Variants in ATP10D observed in about 807,000 individuals in gnomAD.
ATP10D encodes ATPase phospholipid transporting 10D (putative).
ATP10D carries 89 observed loss-of-function variants against 144.8 expected under a neutral mutation model. The observed-to-expected ratio is 0.61, with a 90% CI of 0.52 to 0.73. ATP10D has a LOEUF of 0.73. ATP10D is among the 30% of genes least tolerant of loss of function. ATP10D has a pLI of 0.00. For synonymous variants in ATP10D, 571 were observed against 615.1 expected (o/e 0.93, Z 1.06); for missense variants, 1,603 against 1,714.8 (o/e 0.93, Z 1.15).
rs1035073955 is a variant in ATP10D at position 47,519,762 on chromosome 4, C to A, written c.486-3250C>A. The stretch of plus-strand genomic sequence containing the variant: ...AAGGCCCAGTGCCCTTCCTGTTTGC[C>A]CCCATAGTAGCCTGTAGACAGCTCC... On this transcript the variant is annotated intron_variant, in intron 3 of 22. Coordinates refer to ENST00000273859, the MANE Select transcript of ATP10D (RefSeq NM_020453.4). Among the ~76,000 whole-genome samples the A allele has an allele frequency of 2.0e-5, 3 of 152,268 alleles. No individual in the cohort carries two copies. The East Asian group carries it at 5.8e-4, about 29-fold the overall frequency.
chr4:47,517,360 G>A (rs534139887), intron 3 of ATP10D, among the ~76,000 whole-genome samples: 1 of 152,220 alleles, frequency 6.6e-6, no homozygotes, highest in South Asian at 2.1e-4. Context: ...AGGTTGCAGT[G>A]AGCCAACATT....
chr4:47,516,145 G>A (rs1000746814), intron 3 of ATP10D, among the ~76,000 whole-genome samples: 10 of 151,756 alleles, frequency 6.6e-5, no homozygotes, highest in South Asian at 4.2e-4. Context: ...CAGGAGAATC[G>A]CTTGAACCCA....
chr4:47,540,933 T>C (rs1370676772), intron 9 of ATP10D, among the ~76,000 whole-genome samples: 1 of 152,180 alleles, frequency 6.6e-6, no homozygotes, highest in African/African-American at 2.4e-5. Context: ...AGAGTATACA[T>C]TTATGATGCA....
At chr4:47,507,076 G>C (rs1287237254) in intron 1 of ATP10D, among the ~76,000 whole-genome samples, 1 of 152,134 alleles carries the variant, frequency 6.6e-6, no homozygotes, top group Non-Finnish European at 1.5e-5. Context: ...TGACCAGGTG[G>C]TGCAGTATGA....
chr4:47,493,073 C>T (rs1157563315), intron 1 of ATP10D, among the ~76,000 whole-genome samples: 1 of 152,170 alleles, frequency 6.6e-6, no homozygotes, highest in Non-Finnish European at 1.5e-5. Flanking sequence ...CTTTTTATCT[C>T]TTACCATTAA....
At chr4:47,486,359 GT>G (rs1186667632) in intron 1 of ATP10D, among the ~76,000 whole-genome samples, 4 of 152,182 alleles carry the variant, frequency 2.6e-5, no homozygotes, top group African/African-American at 7.2e-5. Flanking sequence ...TTCTTCTTGC[GT>G]TCTTTTCATG....
chr4:47,559,133 A>C, intron 13 of ATP10D, 104 bp downstream of exon 13: 1 of 787,346 alleles, frequency 1.3e-6, no homozygotes, highest in Non-Finnish European at 2.1e-6. Flanking sequence ...TGCTGGGGAA[A>C]GTCCCCTGGA....
intron 1 of ATP10D, among the ~76,000 whole-genome samples, chr4:47,508,295 A>C (rs1338977741): frequency 6.6e-6 from 1 of 152,218 alleles, no homozygotes; most frequent in Admixed American, 6.5e-5. Context: ...CTTCTCAGGC[A>C]TTAATAGGTA....
At chr4:47,499,933 A>T (rs1715596458) in intron 1 of ATP10D, among the ~76,000 whole-genome samples, 1 of 152,238 alleles carries the variant, frequency 6.6e-6, no homozygotes, top group Non-Finnish European at 1.5e-5. Context: ...TACATGCTCT[A>T]GATCTTAATG....
intron 2 of ATP10D, among the ~76,000 whole-genome samples, chr4:47,514,573 G>T (rs1369539693): frequency 6.6e-6 from 1 of 152,176 alleles, no homozygotes; most frequent in East Asian, 1.9e-4. Context: ...TTAAGGAAAA[G>T]GGTGTCTTGA....
At chr4:47,574,879 C>T (rs1410127927) in intron 18 of ATP10D, among the ~76,000 whole-genome samples, 1 of 152,114 alleles carries the variant, frequency 6.6e-6, no homozygotes, top group African/African-American at 2.4e-5. Context: ...CAGCTCACTG[C>T]AACCTCTGCC....
chr4:47,528,493 GTGTGTGTGTGTGTGTGTGTGTA>G (rs753052146), intron 5 of ATP10D, among the ~76,000 whole-genome samples: 10,572 of 97,764 alleles, frequency 0.11, 523 homozygotes, highest in Non-Finnish European at 0.13. Flanking sequence ...GTGTGTGTGT[GTGTGTGTGTGTGTGTGTGTGTA>G]TATATATATA....
chr4:47,576,554 A>T (rs1720252604), intron 18 of ATP10D, among the ~76,000 whole-genome samples: 1 of 152,228 alleles, frequency 6.6e-6, no homozygotes, highest in African/African-American at 2.4e-5. Flanking sequence ...CTAGCACCAC[A>T]TAATAAGTGG....
intron 14 of ATP10D, among the ~76,000 whole-genome samples, chr4:47,561,902 C>A (rs1466600033): frequency 6.6e-6 from 1 of 152,146 alleles, no homozygotes; most frequent in Non-Finnish European, 1.5e-5. Flanking sequence ...AAGATACCAG[C>A]TTCTGAGCTC....
intron 5 of ATP10D, 112 bp downstream of exon 5, chr4:47,525,754 CG>C (rs757469226): frequency 3.4e-6 from 3 of 878,886 alleles, no homozygotes; most frequent in Non-Finnish European, 5.3e-6. Context: ...CACTAAAGGT[CG>C]TAACTTTAGC....
At chr4:47,535,786 A>G (rs1163947388) in intron 6 of ATP10D, 116 bp from the exon 7 acceptor site, 5 of 1,367,466 alleles carry the variant, frequency 3.7e-6, no homozygotes, top group Non-Finnish European at 4.9e-6. Context: ...TGAACTGACA[A>G]AATAGATCAT....
chr4:47,560,536 TATGAAAG>T (rs1560445841), intron 13 of ATP10D, among the ~76,000 whole-genome samples: 1 of 151,928 alleles, frequency 6.6e-6, no homozygotes, highest in African/African-American at 2.4e-5. Flanking sequence ...CATCAAAAGG[TATGAAAG>T]GTGCTGCTGG....
At chr4:47,550,036 T>C (rs1050555853) in intron 10 of ATP10D, among the ~76,000 whole-genome samples, 5 of 151,770 alleles carry the variant, frequency 3.3e-5, no homozygotes, top group African/African-American at 1.2e-4. Context: ...CGTCCACTCT[T>C]AAGCCAAAGT....
At chr4:47,486,144 C>T (rs1442421630) in intron 1 of ATP10D, among the ~76,000 whole-genome samples, 1 of 152,094 alleles carries the variant, frequency 6.6e-6, no homozygotes, top group African/African-American at 2.4e-5. Flanking sequence ...TTTAAAGAAC[C>T]TAGTTGTTAT....
Sources: allele counts gnomAD v4.1 joint callset (sites outside exome capture counted in the v4.1 genomes callset), GRCh38; gene constraint gnomAD v4.1.1; transcripts MANE v1.5; gene names NCBI Gene and HGNC (gene_info 2026-07-23, HGNC 2026-07-21).